FRMD3: variants seen among roughly 807,000 people sequenced by gnomAD.
FRMD3 encodes FERM domain-containing protein 3.
FRMD3 carries 33 observed loss-of-function variants against 70.2 expected under a neutral mutation model. The observed-to-expected ratio is 0.47, with a 90% CI of 0.36 to 0.63. The LOEUF is 0.63. Among genes scored for constraint, FRMD3 ranks in the 20% least tolerant of loss-of-function variants. The pLI is 0.00. For missense variants in FRMD3, 632 were observed against 711.4 expected, an observed-to-expected ratio of 0.89 and a Z score of 1.27; for synonymous variants, 279 against 255.9, an observed-to-expected ratio of 1.09 and a Z score of -0.86.
At position 83,355,312 on chromosome 9, in the gene FRMD3, A is replaced by G. The variant is rs143140231; in HGVS notation, c.296-5555T>C. ...GAAGGAGCTATCTGCGCAAACCCAC[A>G]GCCTGTATTGGAGCCCTCTCCCAAC... On this transcript the variant is annotated intron_variant, in intron 3 of 13. Transcript: ENST00000304195. Among the ~76,000 whole-genome samples the G allele has an allele frequency of 2.9e-3, 441 of 152,356 alleles. 3 individuals carry two copies. The highest frequency in any genetic ancestry group is 0.01 in the African/African-American group (422 of 41,584).
At chr9:83,364,216 C>G (rs1042171095) in intron 3 of FRMD3, among the ~76,000 whole-genome samples, 3 of 152,106 alleles carry the variant, frequency 2.0e-5, no homozygotes, top group Non-Finnish European at 4.4e-5. Flanking sequence ...CATTATTTTC[C>G]CTGTGCTTTA....
At chr9:83,450,211 GCACA>G (rs143569775) in intron 1 of FRMD3, among the ~76,000 whole-genome samples, 30 of 150,356 alleles carry the variant, frequency 2.0e-4, no homozygotes, top group African/African-American at 4.9e-4. Context: ...ACCCGTGCGC[GCACA>G]CACACACACA....
At chr9:83,536,479 G>A (rs1253028924) in intron 1 of FRMD3, among the ~76,000 whole-genome samples, 1 of 152,164 alleles carries the variant, frequency 6.6e-6, no homozygotes. Flanking sequence ...TAAAGGACCT[G>A]TACACCCACT....
rs115390567 is a variant in FRMD3, at chr9:83,469,969, T to G, written c.147+68116A>C. Among the ~76,000 whole-genome samples the G allele has an allele frequency of 3.4e-3, 520 of 152,340 alleles. 5 individuals carry two copies. The highest frequency in any genetic ancestry group is 0.012 in the African/African-American group (479 of 41,582). ...TAGAGATTCCCAGGCTGAAGAGCTC[T>G]GGGGATAGGACCCAGGCATTTGTAC... is the stretch of plus-strand genomic sequence containing the variant. On this transcript the variant is annotated intron_variant, in intron 1 of 13. Transcript: ENST00000304195.
At chr9:83,467,787 T>C (rs1193399154) in intron 1 of FRMD3, 2 of 1,382,478 alleles carry the variant, frequency 1.4e-6, no homozygotes, top group Middle Eastern at 1.9e-4. Flanking sequence ...TGTTTACCTA[T>C]AGAAATCTTG....
chr9:83,450,211 GCA>G (rs143569775), intron 1 of FRMD3, among the ~76,000 whole-genome samples: 82,992 of 150,232 alleles, frequency 0.55, 23,271 homozygotes, highest in African/African-American at 0.68. Context: ...ACCCGTGCGC[GCA>G]CACACACACA....
At position 83,248,102 on chromosome 9, in the gene FRMD3, C is replaced by T. The variant is rs1312602772; in HGVS notation, c.1610G>A (p.Gly537Glu). The T allele has an allele frequency of 2.5e-6, 4 of 1,614,048 alleles. No homozygotes were observed. The highest frequency in any genetic ancestry group is 3.4e-6 in the Non-Finnish European group (4 of 1,180,044). The part of the protein sequence containing the change: ...SFSRLLVVGL[G>E]LLLFVFPLLL... ...CAGGGGAAATACAAAGAGCAGCAGT[C>T]CCAGGCCCACCACAAGGAGCCTGGA... Residue 537 changes from glycine to glutamate, a missense_variant, in exon 14 of 14, where the codon GGA (glycine) becomes GAA (glutamate). By Grantham distance (98) the Gly-to-Glu change is moderately conservative (BLOSUM62 -2). Around this residue, in one of 3 missense-constraint regions of FRMD3, gnomAD observed 418 missense variants for 442.1 expected, o/e 0.95. Coordinates refer to ENST00000304195, the MANE Select transcript of FRMD3 (RefSeq NM_174938.6).
intron 13 of FRMD3, among the ~76,000 whole-genome samples, chr9:83,265,881 A>C (rs1833232893): frequency 6.6e-6 from 1 of 152,202 alleles, no homozygotes; most frequent in South Asian, 2.1e-4. Flanking sequence ...TGAAGCATCT[A>C]TTAAAGAGAA....
At chr9:83,359,741 A>T (rs962651371) in intron 3 of FRMD3, among the ~76,000 whole-genome samples, 2 of 152,188 alleles carry the variant, frequency 1.3e-5, no homozygotes, top group African/African-American at 4.8e-5. Flanking sequence ...TCCTAGACCA[A>T]AGGCCATATG....
At chr9:83,289,606 GAAAT>G (rs1426247460) in intron 13 of FRMD3, among the ~76,000 whole-genome samples, 26 of 152,294 alleles carry the variant, frequency 1.7e-4, no homozygotes, top group Admixed American at 5.2e-4. Context: ...TTTCTCCTGT[GAAAT>G]AAATTCTTGA....
intron 13 of FRMD3, among the ~76,000 whole-genome samples, chr9:83,257,912 T>C (rs181155702): frequency 5.9e-5 from 9 of 152,320 alleles, no homozygotes; most frequent in East Asian, 1.9e-4. Flanking sequence ...TTCTCACCCA[T>C]AGAAAACACT....
the FRMD3 span, among the ~76,000 whole-genome samples, chr9:83,547,633 G>C: frequency 2.6e-5 from 4 of 152,158 alleles, no homozygotes; most frequent in Admixed American, 1.3e-4. Context: ...AGATTATTGA[G>C]GCAGAAAATC....
rs74950743 is a variant in FRMD3 at position 83,452,482 on chromosome 9, G to T, written c.148-62774C>A. Among the ~76,000 whole-genome samples, 596 of 125,842 alleles carry T rather than the reference G, an allele frequency of 4.7e-3. 5 individuals are homozygous for T. The highest frequency in any genetic ancestry group is 0.013 in the African/African-American group (445 of 35,388). 82.6% of individuals were successfully genotyped at this position (125,842 alleles called of 152,430 possible). ...AACTAATGCTTGAGTTGTTTTTTTT[G>T]TTGTTGTTGTTTTTTTTGAGACGGA... On this transcript the variant is annotated intron_variant, in intron 1 of 13. Transcript: ENST00000304195.
intron 1 of FRMD3, among the ~76,000 whole-genome samples, chr9:83,530,253 G>C (rs1415800767): frequency 6.6e-6 from 1 of 152,118 alleles, no homozygotes; most frequent in African/African-American, 2.4e-5. Context: ...CTAATGAATG[G>C]ATCAACAAAA....
chr9:83,396,600 A>C (rs548714787), intron 1 of FRMD3, among the ~76,000 whole-genome samples: 3 of 152,304 alleles, frequency 2.0e-5, no homozygotes, highest in Admixed American at 6.5e-5. Flanking sequence ...GACATGAGGA[A>C]TACTTTACGA....
intron 1 of FRMD3, among the ~76,000 whole-genome samples, chr9:83,415,182 C>G (rs554368109): frequency 6.6e-6 from 1 of 152,312 alleles, no homozygotes; most frequent in East Asian, 1.9e-4. Context: ...ACTCTCTCTT[C>G]CCTGTGATCT....
At chr9:83,496,322 T>C (rs1366228567) in intron 1 of FRMD3, among the ~76,000 whole-genome samples, 1 of 152,168 alleles carries the variant, frequency 6.6e-6, no homozygotes. Flanking sequence ...GCTGATGAAA[T>C]ACAACCTTGT....
At chr9:83,323,949 C>T (rs1835911189) in intron 6 of FRMD3, among the ~76,000 whole-genome samples, 1 of 152,204 alleles carries the variant, frequency 6.6e-6, no homozygotes, top group African/African-American at 2.4e-5. Flanking sequence ...CTTGTACTTA[C>T]ACTAGGGAGT....
chr9:83,517,807 T>C (rs1829488071), intron 1 of FRMD3, among the ~76,000 whole-genome samples: 1 of 152,194 alleles, frequency 6.6e-6, no homozygotes, highest in Non-Finnish European at 1.5e-5. Flanking sequence ...GTCAGCTTCA[T>C]CCCTGGGATG....
Sources: allele counts gnomAD v4.1 joint callset (sites outside exome capture counted in the v4.1 genomes callset), GRCh38; gene constraint gnomAD v4.1.1; regional missense constraint gnomAD v4.1.1; transcripts MANE v1.5; gene names NCBI Gene and HGNC (gene_info 2026-07-23, HGNC 2026-07-21).